SHANK2: variants seen among roughly 807,000 people sequenced by gnomAD.
The protein encoded by SHANK2 is SH3 and multiple ankyrin repeat domains 2.
SHANK2 carries 43 observed loss-of-function variants against 133.7 expected under a neutral mutation model. That is an observed-to-expected ratio of 0.32 (90% confidence interval 0.25 to 0.41). The LOEUF is 0.41. SHANK2 is among the 10% of genes least tolerant of loss of function. The probability of loss-of-function intolerance (pLI) is 1.00; values close to 1 mark genes in which losing one functional copy is unlikely to be tolerated. For synonymous variants in SHANK2, 1,017 were observed against 952.8 expected, an observed-to-expected ratio of 1.07 and a Z score of -1.24; for missense variants, 1,994 against 2,235.8, an observed-to-expected ratio of 0.89 and a Z score of 2.18.
intron 17 of SHANK2, among the ~76,000 whole-genome samples, chr11:70,563,449 A>G (rs776346048): frequency 3.3e-5 from 5 of 151,872 alleles, no homozygotes; most frequent in Non-Finnish European, 5.9e-5. Context: ...AAAGACAGTT[A>G]TCTTTCGAAA....
At chr11:70,883,763 C>T (rs1010922408) in intron 11 of SHANK2, among the ~76,000 whole-genome samples, 4 of 152,214 alleles carry the variant, frequency 2.6e-5, no homozygotes, top group Non-Finnish European at 5.9e-5. Context: ...GACCCGGCCT[C>T]CACCTGGGCT....
At chr11:70,541,894 C>T (rs1222258113) in intron 17 of SHANK2, among the ~76,000 whole-genome samples, 8 of 152,234 alleles carry the variant, frequency 5.3e-5, no homozygotes, top group Non-Finnish European at 1.0e-4. Flanking sequence ...AGGCAGCCTG[C>T]AGTTCTCGTG....
At chr11:70,881,785 C>G (rs1027497771) in intron 11 of SHANK2, among the ~76,000 whole-genome samples, 1 of 151,202 alleles carries the variant, frequency 6.6e-6, no homozygotes, top group South Asian at 2.1e-4. Context: ...GCTACAGTGC[C>G]GTGGCCCCAT....
chr11:70,950,777 T>TTG (rs58263736), intron 10 of SHANK2, among the ~76,000 whole-genome samples: 30,270 of 151,546 alleles, frequency 0.2, 3,150 homozygotes, highest in Middle Eastern at 0.31. Flanking sequence ...CCAGCTAATT[T>TTG]TGTGTGTGTG....
chr11:70,542,810 C>T (rs1251860406), intron 17 of SHANK2, among the ~76,000 whole-genome samples: 1 of 152,200 alleles, frequency 6.6e-6, no homozygotes, highest in East Asian at 1.9e-4. Flanking sequence ...TTCCAATGGG[C>T]CTCCTAACTC....
chr11:70,838,797 T>C (rs1948861242), intron 11 of SHANK2, among the ~76,000 whole-genome samples: 1 of 152,128 alleles, frequency 6.6e-6, no homozygotes, highest in Non-Finnish European at 1.5e-5. Context: ...CCCTCCACTT[T>C]CCAGGATTTC....
intron 12 of SHANK2, among the ~76,000 whole-genome samples, chr11:70,819,111 G>A (rs1364503140): frequency 3.9e-5 from 6 of 152,212 alleles, no homozygotes; most frequent in African/African-American, 1.2e-4. Flanking sequence ...TGTAGGATGG[G>A]GGCGAGGGTC....
chr11:70,746,560 G>A (rs1480842933), intron 14 of SHANK2, among the ~76,000 whole-genome samples: 3 of 151,928 alleles, frequency 2.0e-5, no homozygotes, highest in Non-Finnish European at 4.4e-5. Flanking sequence ...CGCTTCTCCA[G>A]GACGGGAAGG....
chr11:70,561,229 C>A (rs1248025375), intron 17 of SHANK2, among the ~76,000 whole-genome samples: 1 of 152,258 alleles, frequency 6.6e-6, no homozygotes, highest in Middle Eastern at 3.4e-3. Flanking sequence ...TCATAGCTCA[C>A]TGCAGCCTCT....
chr11:70,516,677 GAA>G (rs1344348103), intron 17 of SHANK2, among the ~76,000 whole-genome samples: 1 of 152,176 alleles, frequency 6.6e-6, no homozygotes, highest in Non-Finnish European at 1.5e-5. Context: ...CAGACTGGGG[GAA>G]AATCTTTGCA....
chr11:70,867,418 G>T (rs1949383325), intron 11 of SHANK2, among the ~76,000 whole-genome samples: 1 of 152,236 alleles, frequency 6.6e-6, no homozygotes, highest in Admixed American at 6.5e-5. Context: ...GAGGACGAGA[G>T]GCAAGAGCCG....
At chr11:70,596,733 G>A (rs965722453) in intron 17 of SHANK2, among the ~76,000 whole-genome samples, 2 of 152,142 alleles carry the variant, frequency 1.3e-5, no homozygotes, top group Admixed American at 6.5e-5. Flanking sequence ...GACCACAACA[G>A]TCCACTCTCT....
At chr11:71,084,323 C>G (rs1951348759) in intron 8 of SHANK2, among the ~76,000 whole-genome samples, 1 of 152,156 alleles carries the variant, frequency 6.6e-6, no homozygotes, top group East Asian at 1.9e-4. Context: ...AAATGGGGCT[C>G]TTCTAACATC....
At chr11:70,710,215 C>A (rs1192673201) in intron 14 of SHANK2, among the ~76,000 whole-genome samples, 2 of 152,190 alleles carry the variant, frequency 1.3e-5, no homozygotes, top group African/African-American at 4.8e-5. Context: ...CACCTGGGGG[C>A]TGTGCCGTCC....
At chr11:70,477,021 G>A (rs1169451677) in intron 25 of SHANK2, among the ~76,000 whole-genome samples, 2 of 152,226 alleles carry the variant, frequency 1.3e-5, no homozygotes, top group Non-Finnish European at 2.9e-5. Context: ...TTTTTGTAAG[G>A]AAAGGCTCTG....
At chr11:70,950,111 G>C in intron 10 of SHANK2, 1 of 456,472 alleles carries the variant, frequency 2.2e-6, no homozygotes. Flanking sequence ...AGACTGGAAT[G>C]CAATGGCGCT....
chr11:70,636,299 G>A (rs530773267), intron 17 of SHANK2, among the ~76,000 whole-genome samples: 9 of 152,338 alleles, frequency 5.9e-5, no homozygotes, highest in African/African-American at 2.2e-4. Flanking sequence ...GAGTATGTGT[G>A]TGAGCAGATG....
chr11:70,498,361 C>T (rs1555157579), intron 21 of SHANK2, among the ~76,000 whole-genome samples: 1 of 152,222 alleles, frequency 6.6e-6, no homozygotes, highest in Admixed American at 6.5e-5. Flanking sequence ...TCCAAAGCGG[C>T]AGTGCAGGGT....
At chr11:71,234,551 C>T (rs1243243566) in intron 1 of SHANK2, among the ~76,000 whole-genome samples, 3 of 152,112 alleles carry the variant, frequency 2.0e-5, no homozygotes, top group Admixed American at 1.3e-4. Context: ...CCTCCACGTG[C>T]TGGACTCCGA....
Sources: allele counts gnomAD v4.1 joint callset (sites outside exome capture counted in the v4.1 genomes callset), GRCh38; gene constraint gnomAD v4.1.1; transcripts MANE v1.5; gene names NCBI Gene and HGNC (gene_info 2026-07-23, HGNC 2026-07-21).